CCAR2: variants seen among roughly 807,000 people sequenced by gnomAD.
The protein encoded by CCAR2 is cell cycle and apoptosis regulator protein 2.
Under a neutral mutation model 108.1 loss-of-function variants are expected in CCAR2, and 21 were observed. The ratio of observed to expected loss-of-function variants is 0.19; its 90% confidence interval spans 0.14 to 0.28. CCAR2 has a LOEUF of 0.28. CCAR2 is among the 10% of genes least tolerant of loss of function. The pLI is 1.00. For synonymous variants in CCAR2, 577 were observed against 472.8 expected, an observed-to-expected ratio of 1.22 and a Z score of -2.86; for missense variants, 1,126 against 1,177.0, an observed-to-expected ratio of 0.96 and a Z score of 0.63.
rs1563929226 is a variant in CCAR2 at position 22,618,995 on chromosome 8, A to G, written c.2501A>G (p.His834Arg). The change falls in exon 19 of 21, where the codon CAC (histidine) becomes CGC (arginine). Residue 834 changes from histidine (H) to arginine (R), a missense_variant. Physicochemically the swap from His to Arg is conservative, Grantham distance 29. This residue lies in a region of CCAR2 where 1,013 missense variants were observed against 993.9 expected (regional missense o/e 1.02). Coordinates refer to ENST00000308511, the MANE Select transcript of CCAR2 (RefSeq NM_001393997.1). ...CGGCTCTACCTAGAGAACAAGATCC[A>G]CACACTGGAGCTGAAGCTGGGTGAG... ...SGRLYLENKI[H>R]TLELKLEESH... 1.2e-6 allele frequency: 2 copies of G among 1,613,422 alleles called. No individual in the cohort carries two copies.
Position 22,607,285 on chromosome 8 carries a change from C to T in CCAR2, c.447C>T (p.Ile149=). The stretch of plus-strand genomic sequence containing the variant: ...TCCTGGGAGCTCAGCCTCAGTTGAT[C>T]TTCCAGCCTCACCGGATTCCCCCAC... ...QGILGAQPQL[I]FQPHRIPPLF... is the part of the protein sequence containing the mutation. Residue 149 remains isoleucine, a synonymous_variant, in exon 6 of 21, where the codon ATC becomes ATT. Coordinates refer to ENST00000308511, the MANE Select transcript of CCAR2 (RefSeq NM_001393997.1). 1.2e-6 allele frequency: 2 copies of T among 1,613,628 alleles called. No homozygotes were observed. The highest frequency in any genetic ancestry group is 1.7e-6 in the Non-Finnish European group (2 of 1,180,012).
chr8:22,614,584 C>A, intron 10 of CCAR2, 81 bp downstream of exon 10: 1 of 1,314,048 alleles, frequency 7.6e-7, no homozygotes, highest in Non-Finnish European at 1.1e-6. Flanking sequence ...GGCTCCTGTT[C>A]CTGAATGCAT....
chr8:22,605,305 T>C (rs905579512), intron 1 of CCAR2: 2 of 162,594 alleles, frequency 1.2e-5, no homozygotes, highest in Admixed American at 6.3e-5. Context: ...TTTTGGCGGA[T>C]GTTTTTGAAC....
Position 22,618,609 on chromosome 8 carries a change from T to C in CCAR2, c.2221-8T>C. 8 of 1,614,022 alleles carry C rather than the reference T, an allele frequency of 5.0e-6. No individual in the cohort carries two copies. Among genetic ancestry groups the C allele is most frequent in the Non-Finnish European group, 6.8e-6 (8 of 1,179,968 alleles). ...GGGCCTTCTGATCAGCAGATGTGTTTTCTGCAGGCCAAGCAGCTGGTCAGC... is the reference window on the plus strand; with the variant it reads ...GGGCCTTCTGATCAGCAGATGTGTTCTCTGCAGGCCAAGCAGCTGGTCAGC... On this transcript the variant is annotated splice_polypyrimidine_tract_variant and splice_region_variant and intron_variant, in intron 17 of 20. Coordinates refer to ENST00000308511, the MANE Select transcript of CCAR2 (RefSeq NM_001393997.1).
intron 6 of CCAR2, among the ~76,000 whole-genome samples, chr8:22,607,575 C>G (rs906412234): frequency 4.7e-5 from 7 of 148,700 alleles, no homozygotes; most frequent in Admixed American, 6.8e-5. Flanking sequence ...TCAAGCAATT[C>G]TCCTGCCTCA....
At chr8:22,607,104 G>C in intron 5 of CCAR2, 80 bp downstream of exon 5, 2 of 1,608,774 alleles carry the variant, frequency 1.2e-6, no homozygotes, top group Non-Finnish European at 1.7e-6. Flanking sequence ...GCAAAACCCT[G>C]ACTTTTGTCA....
At chr8:22,616,441 C>G in intron 14 of CCAR2, 193 bp downstream of exon 14, 2 of 601,476 alleles carry the variant, frequency 3.3e-6, no homozygotes, top group Non-Finnish European at 5.9e-6. Context: ...GGGAGCATGG[C>G]TGAGCAGCCT....
At chr8:22,607,469 T>TG (rs915935089) in intron 6 of CCAR2, 144 bp downstream of exon 6, 9 of 332,366 alleles carry the variant, frequency 2.7e-5, no homozygotes, top group Admixed American at 2.4e-4. Flanking sequence ...TGTTTAGGGT[T>TG]TTTTTTTTTT....
chr8:22,613,794 C>T lies in CCAR2; in HGVS notation c.705-298C>T, dbSNP rs977980950. On this transcript the variant is annotated intron_variant, in intron 8 of 20. Transcript: ENST00000308511. ...TAAGAACCTATTGATGTCAATTTTCCGTTTTAGGCTTTTGAACTTTTTGTT... is the reference window on the plus strand; with the variant it reads ...TAAGAACCTATTGATGTCAATTTTCTGTTTTAGGCTTTTGAACTTTTTGTT... 7 of 349,968 alleles carry T rather than the reference C, an allele frequency of 2.0e-5. No homozygotes were observed. In the Admixed American group the frequency reaches 2.6e-4, roughly 13 times the overall value. The allele number at this position is 349,968 out of a possible 1,614,324, so 21.7% of individuals were successfully genotyped here.
Position 22,619,665 on chromosome 8 carries a change from C to A in CCAR2, c.2755C>A (p.Pro919Thr). 6.3e-7 allele frequency: 1 copy of A among 1,575,276 alleles called. No individual in the cohort carries two copies. Among genetic ancestry groups the A allele is most frequent in the Non-Finnish European group, 8.6e-7 (1 of 1,159,992 alleles). ...TGACAGCTGGGTGGAGAAGGAGGAG[C>A]CGGCACCTAGCAACTGACGGCCTCG... ...KADSWVEKEE[P>T]APSN Residue 919 changes from proline (P) to threonine (T), a missense_variant, in exon 21 of 21, where the codon CCG (proline) becomes ACG (threonine). Physicochemically the swap from Pro to Thr is conservative, Grantham distance 38 (BLOSUM62 -1). Coordinates refer to ENST00000308511, the MANE Select transcript of CCAR2 (RefSeq NM_001393997.1).
rs972815460 is a variant in CCAR2, at chr8:22,620,438, CTTGT to C, written c.*759_*762del. ...TGGGGTTTTTTTTTTTTTTTTTTGG[CTTGT>C]TTTTTAAATAAACCAAAGTCAAAAA... On this transcript the variant is annotated 3_prime_UTR_variant, in exon 21 of 21. Coordinates refer to ENST00000308511, the MANE Select transcript of CCAR2 (RefSeq NM_001393997.1). 1.6e-5 allele frequency: 1 copy of C among 60,650 alleles called. No individual in the cohort carries two copies. The highest frequency in any genetic ancestry group is 3.9e-5 in the Non-Finnish European group (1 of 25,478). The allele number at this position is 60,650 out of a possible 1,614,324, so 3.8% of individuals were successfully genotyped here. A position where few individuals can be genotyped will look rare whatever the true frequency, so the allele number is the denominator to read the frequency against.
downstream of CCAR2, chr8:22,621,150 G>A (rs138098724): frequency 2.5e-3 from 1,032 of 414,612 alleles, 9 homozygotes; most frequent in African/African-American, 0.02. Context: ...TGCTCAGGCC[G>A]TGGGCCAGGA....
rs1456994583 is a variant in CCAR2, at chr8:22,616,882, TTTTTTTTTTTTTTTG to T, written c.1846-537_1846-523del. ...ACTAGTCTGCTTTTTTTTTTTTTTT[TTTTTTTTTTTTTTTG>T]GGGAGATGGAGTCTTGCTCTGTCAC... On this transcript the variant is annotated intron_variant, in intron 14 of 20. Coordinates refer to ENST00000308511, the MANE Select transcript of CCAR2 (RefSeq NM_001393997.1). 7.9e-3 allele frequency among the ~76,000 whole-genome samples: 601 copies of T among 75,822 alleles called. 10 individuals are homozygous for T. Among genetic ancestry groups the T allele is most frequent in the Non-Finnish European group, 0.011 (422 of 39,020 alleles). The allele number at this position is 75,822 out of a possible 152,430, so 49.7% of individuals were successfully genotyped here. A position where few individuals can be genotyped will look rare whatever the true frequency, so the allele number is the denominator to read the frequency against.
chr8:22,605,487 A>G (rs950009606), intron 1 of CCAR2: 5 of 399,078 alleles, frequency 1.3e-5, no homozygotes, highest in Non-Finnish European at 2.3e-5. Context: ...TCTGAGCATC[A>G]GTTTCCTTGT....
chr8:22,618,306 G>A (rs200564596), intron 16 of CCAR2, 43 bp from the exon 17 acceptor site: 47 of 1,613,282 alleles, frequency 2.9e-5, no homozygotes, highest in Non-Finnish European at 3.9e-5. Context: ...GAGCCACTGA[G>A]GGAACTATTT....
rs2117406130 is a variant in CCAR2 at position 22,605,528 on chromosome 8, A to G, written c.-38-208A>G. 4 of 559,266 alleles carry G rather than the reference A, an allele frequency of 7.2e-6. 1 individual carries two copies. The highest frequency in any genetic ancestry group is 9.4e-4 in the Middle Eastern group (2 of 2,138). 34.6% of individuals were successfully genotyped at this position (559,266 alleles called of 1,614,324 possible). A position where few individuals can be genotyped will look rare whatever the true frequency, so the allele number is the denominator to read the frequency against. On this transcript the variant is annotated intron_variant, in intron 1 of 20. Coordinates refer to ENST00000308511, the MANE Select transcript of CCAR2 (RefSeq NM_001393997.1). ...AAACAGCATGACAGTATCATGCACCACTAGGTTATTGTCAGGGCAAACTGG... is the reference window on the plus strand; with the variant it reads ...AAACAGCATGACAGTATCATGCACCGCTAGGTTATTGTCAGGGCAAACTGG...
chr8:22,612,135 T>G (rs1276244184), intron 7 of CCAR2, among the ~76,000 whole-genome samples: 8 of 152,142 alleles, frequency 5.3e-5, no homozygotes, highest in Admixed American at 3.3e-4. Context: ...TTAGTAGAGA[T>G]AGGGTTTCAC....
At position 22,606,896 on chromosome 8, in the gene CCAR2, T is replaced by C. The variant is rs775692187; in HGVS notation, c.243-14T>C. Reference sequence around the variant, plus strand: ...CCCTCTTCTGATGGGGCCTTCTGGCTTGTGTGCTGACAGTGTGGTGAAGGG... The same window carrying C: ...CCCTCTTCTGATGGGGCCTTCTGGCCTGTGTGCTGACAGTGTGGTGAAGGG... On this transcript the variant is annotated splice_polypyrimidine_tract_variant and intron_variant, in intron 4 of 20. Transcript: ENST00000308511. 2.5e-6 allele frequency: 4 copies of C among 1,613,514 alleles called. No individual in the cohort carries two copies. The highest frequency in any genetic ancestry group is 3.3e-5 in the Admixed American group (2 of 59,996).
rs750325530 is a variant in CCAR2 at position 22,607,318 on chromosome 8, T to C, written c.480T>C (p.Pro160=). Residue 160 remains proline, a synonymous_variant, in exon 6 of 21, where the codon CCT becomes CCC. Transcript: ENST00000308511. ...CTCACCGGATTCCCCCACTCTTTCCTCAGAAGCGTGAGTACGAGTGGCACT... is the reference window on the plus strand; with the variant it reads ...CTCACCGGATTCCCCCACTCTTTCCCCAGAAGCGTGAGTACGAGTGGCACT... The part of the protein sequence containing the change: ...FQPHRIPPLF[P]QKPLSLFQTS... The C allele has an allele frequency of 1.2e-6, 2 of 1,611,904 alleles. No individual in the cohort carries two copies. Among genetic ancestry groups the C allele is most frequent in the South Asian group, 2.2e-5 (2 of 91,084 alleles).
Sources: allele counts gnomAD v4.1 joint callset (sites outside exome capture counted in the v4.1 genomes callset), GRCh38; gene constraint gnomAD v4.1.1; regional missense constraint gnomAD v4.1.1; transcripts MANE v1.5; gene names NCBI Gene and HGNC (gene_info 2026-07-23, HGNC 2026-07-21).